The following ANKRD36 variants were observed in gnomAD, a reference collection of about 807,000 sequenced individuals.
ANKRD36 encodes ankyrin repeat domain 36, also known as ankyrin repeat domain-containing protein 36A.
ANKRD36 carries 179 observed loss-of-function variants against 278.1 expected under a neutral mutation model. The observed-to-expected ratio is 0.64, with a 90% CI of 0.57 to 0.73. The LOEUF (loss-of-function observed/expected upper bound fraction) is 0.73, where lower values mean the gene tolerates loss of function less well. Among genes scored for constraint, ANKRD36 ranks in the 30% least tolerant of loss-of-function variants. The pLI, the probability that ANKRD36 is intolerant of heterozygous loss-of-function variation, is 0.00. For missense variants in ANKRD36, 1,159 were observed against 1,956.7 expected, an observed-to-expected ratio of 0.59 and a Z score of 7.69; for synonymous variants, 320 against 641.1, an observed-to-expected ratio of 0.50 and a Z score of 7.57.
intron 48 of ANKRD36, among the ~76,000 whole-genome samples, chr2:97,203,279 G>T (rs947515111): frequency 6.6e-6 from 1 of 151,806 alleles, no homozygotes; most frequent in African/African-American, 2.4e-5. Context: ...CATTTTCAAT[G>T]GGTATTGCAG....
intron 22 of ANKRD36, among the ~76,000 whole-genome samples, chr2:97,174,626 C>T (rs2053680096): frequency 6.6e-6 from 1 of 151,560 alleles, no homozygotes; most frequent in Non-Finnish European, 1.5e-5. Flanking sequence ...TTTCCTTCTC[C>T]TGCCTAATTG....
chr2:97,187,468 T>C (rs888919865), intron 32 of ANKRD36, 67 bp downstream of exon 32: 1 of 168,176 alleles, frequency 5.9e-6, no homozygotes, highest in Non-Finnish European at 8.6e-6. Context: ...CTACCCCTAA[T>C]AAATCAGCGG....
At chr2:97,159,959 A>AT (rs1284142407) in intron 17 of ANKRD36, among the ~76,000 whole-genome samples, 2 of 152,146 alleles carry the variant, frequency 1.3e-5, no homozygotes, top group Non-Finnish European at 2.9e-5. Flanking sequence ...TTTTTTTAAT[A>AT]TTTTTAGTAG....
chr2:97,195,452 T>C (rs2059499071), intron 40 of ANKRD36, among the ~76,000 whole-genome samples: 1 of 151,988 alleles, frequency 6.6e-6, no homozygotes, highest in African/African-American at 2.4e-5. Context: ...CTGAGTGAAC[T>C]CACTTCAGAT....
At chr2:97,206,362 T>C (rs976778704) in intron 52 of ANKRD36, among the ~76,000 whole-genome samples, 1 of 151,390 alleles carries the variant, frequency 6.6e-6, no homozygotes, top group Non-Finnish European at 1.5e-5. Flanking sequence ...GAAGAAGATA[T>C]ATGGAGAGCA....
Position 97,208,087 on chromosome 2 carries a change from C to A in ANKRD36, c.3265+81C>A, listed in dbSNP as rs376221702. 1.2e-4 allele frequency: 155 copies of A among 1,317,548 alleles called. 5 individuals carry two copies. In the South Asian group the frequency reaches 1.2e-3, roughly 11 times the overall value. 81.6% of individuals were successfully genotyped at this position (1,317,548 alleles called of 1,614,324 possible). A position where few individuals can be genotyped will look rare whatever the true frequency, so the allele number is the denominator to read the frequency against. The stretch of plus-strand genomic sequence containing the variant: ...CTTCCCTGAATAAATCAGCGGGGGG[C>A]TCGTTGAAGCTGCACATTCTGATTC... On this transcript the variant is annotated intron_variant, in intron 54 of 75. Transcript: ENST00000420699.
In ANKRD36 at chr2:97,209,863, T is replaced by C. The variant is rs1286805935; in HGVS notation, c.3358T>C (p.Ser1120Pro). 1 of 1,581,784 alleles carries C rather than the reference T, an allele frequency of 6.3e-7. No individual in the cohort carries two copies. Among genetic ancestry groups the C allele is most frequent in the Non-Finnish European group, 8.6e-7 (1 of 1,167,062 alleles). Residue 1120 changes from serine to proline, a missense_variant, in exon 56 of 76, where the codon TCT becomes CCT. Physicochemically the swap from Ser to Pro is moderately conservative, Grantham distance 74. Coordinates refer to ENST00000420699, the MANE Select transcript of ANKRD36 (RefSeq NM_001354587.1). The part of the protein sequence containing the change: ...IAREKKDGEK[S>P]RTVSSPKQPA... Reference sequence around the variant, plus strand: ...CAGAGAAAAAAAGGATGGAGAAAAATCTAGGACAGGTAATTTTGAAAACAG... The same window carrying C: ...CAGAGAAAAAAAGGATGGAGAAAAACCTAGGACAGGTAATTTTGAAAACAG...
rs1553540707 is a variant in ANKRD36, at chr2:97,123,957, T to TA, written c.594-503_594-502insA. On this transcript the variant is annotated intron_variant, in intron 4 of 75. Coordinates refer to ENST00000420699, the MANE Select transcript of ANKRD36 (RefSeq NM_001354587.1). ...AAGGATATATTATTATCCTCCATAT[T>TA]TATATATATATATATATAGTGTTTA... is the stretch of plus-strand genomic sequence containing the variant. Among the ~76,000 whole-genome samples the TA allele has an allele frequency of 1.1e-3, 152 of 141,806 alleles. 2 individuals carry two copies. Among genetic ancestry groups the TA allele is most frequent in the Non-Finnish European group, 1.7e-3 (109 of 65,322 alleles). The allele number at this position is 141,806 out of a possible 152,430, so 93.0% of individuals were successfully genotyped here. A position where few individuals can be genotyped will look rare whatever the true frequency, so the allele number is the denominator to read the frequency against.
chr2:97,229,224 G>A lies in ANKRD36; in HGVS notation c.3951+4345G>A, dbSNP rs370240947. ...TTTCTGTCTCATTGATCTGTCCAAT[G>A]TTGACAGTGGGATGTTAAAGTCTCC... On this transcript the variant is annotated intron_variant, in intron 67 of 75. Transcript: ENST00000420699. 2.0e-4 allele frequency among the ~76,000 whole-genome samples: 30 copies of A among 151,770 alleles called. No individual in the cohort carries two copies. In the East Asian group the frequency reaches 5.1e-3, roughly 26 times the overall value.
chr2:97,183,987 A>G (rs1237882189), intron 28 of ANKRD36, among the ~76,000 whole-genome samples: 1 of 151,606 alleles, frequency 6.6e-6, no homozygotes, highest in Non-Finnish European at 1.5e-5. Context: ...AGAAGAAGTA[A>G]CAGAAATTAT....
At chr2:97,128,162 A>C (rs7566937) in intron 6 of ANKRD36, among the ~76,000 whole-genome samples, 87,269 of 147,888 alleles carry the variant, frequency 0.59, 29,807 homozygotes, top group Non-Finnish European at 0.78. Flanking sequence ...TCCCTTTCCT[A>C]CAAATCTGAG....
chr2:97,214,438 T>C lies in ANKRD36; in HGVS notation c.3571+824T>C, dbSNP rs1410085136. 5.3e-5 allele frequency among the ~76,000 whole-genome samples: 8 copies of C among 150,736 alleles called. No individual in the cohort carries two copies. In the East Asian group the frequency reaches 1.6e-3, roughly 30 times the overall value. On this transcript the variant is annotated intron_variant, in intron 60 of 75. Transcript: ENST00000420699. ...ATATTCTTTAGAGAATAGCATGATA[T>C]TCCTAACAAGACTATTTTAGAAACA...
intron 22 of ANKRD36, among the ~76,000 whole-genome samples, chr2:97,179,291 A>T (rs1411129459): frequency 4.0e-5 from 6 of 151,640 alleles, no homozygotes; most frequent in African/African-American, 1.5e-4. Context: ...CTGATCAATC[A>T]AGTTAAAGAG....
At chr2:97,141,011 T>C (rs2042761590) in intron 6 of ANKRD36, among the ~76,000 whole-genome samples, 1 of 151,826 alleles carries the variant, frequency 6.6e-6, no homozygotes, top group Non-Finnish European at 1.5e-5. Context: ...TGATATGTTC[T>C]TCGTTCACAT....
At position 97,181,580 on chromosome 2, in the gene ANKRD36, T is replaced by A. The variant is rs377167853; in HGVS notation, c.1736-18T>A. 2 of 1,603,402 alleles carry A rather than the reference T, an allele frequency of 1.2e-6. No individual in the cohort carries two copies. The highest frequency in any genetic ancestry group is 1.7e-6 in the Non-Finnish European group (2 of 1,177,828). On this transcript the variant is annotated intron_variant, in intron 24 of 75. Coordinates refer to ENST00000420699, the MANE Select transcript of ANKRD36 (RefSeq NM_001354587.1). ...CATATGTACATGTGAGTGATTATGT[T>A]TCCCTTTTGCTTTTCAGTGTCTTCT... is the stretch of plus-strand genomic sequence containing the variant.
intron 38 of ANKRD36, 77 bp from the exon 39 acceptor site, chr2:97,194,649 T>C: frequency 6.3e-7 from 1 of 1,584,724 alleles, no homozygotes; most frequent in Non-Finnish European, 8.6e-7. Flanking sequence ...CAGAGGTTGA[T>C]GCTAACACTG....
At chr2:97,148,104 G>A (rs2044773516) in intron 11 of ANKRD36, among the ~76,000 whole-genome samples, 1 of 151,926 alleles carries the variant, frequency 6.6e-6, no homozygotes, top group Non-Finnish European at 1.5e-5. Flanking sequence ...GAACCAGGGA[G>A]CTGGAGATTG....
At chr2:97,151,524 AT>A (rs2045967889) in intron 12 of ANKRD36, among the ~76,000 whole-genome samples, 1 of 73,826 alleles carries the variant, frequency 1.4e-5, no homozygotes, top group Admixed American at 1.4e-4. Context: ...AAATAATGTG[AT>A]TAATTTACTT....
intron 6 of ANKRD36, among the ~76,000 whole-genome samples, chr2:97,137,826 G>A (rs1354654693): frequency 2.0e-5 from 3 of 152,094 alleles, no homozygotes; most frequent in Admixed American, 1.3e-4. Flanking sequence ...GTATCTCATT[G>A]TGGTTTTGAT....
Sources: allele counts gnomAD v4.1 joint callset (sites outside exome capture counted in the v4.1 genomes callset), GRCh38; gene constraint gnomAD v4.1.1; transcripts MANE v1.5; gene names NCBI Gene and HGNC (gene_info 2026-07-23, HGNC 2026-07-21).